SYNE3: variants seen among roughly 807,000 people sequenced by gnomAD.
SYNE3 encodes the protein nesprin-3.
A neutral mutation model predicts 111.2 loss-of-function variants in SYNE3; 100 were observed. The ratio of observed to expected loss-of-function variants is 0.90; its 90% CI spans 0.77 to 1.06. The LOEUF (loss-of-function observed/expected upper bound fraction) is 1.06, where lower values mean the gene tolerates loss of function less well. Among genes scored for constraint, SYNE3 ranks in the 50% least tolerant of loss-of-function variants. SYNE3 has a pLI of 0.00. For synonymous variants in SYNE3, 547 were observed against 533.9 expected, an observed-to-expected ratio of 1.02 and a Z score of -0.34; for missense variants, 1,160 against 1,240.3, an observed-to-expected ratio of 0.94 and a Z score of 0.97.
Position 95,440,135 on chromosome 14 carries a change from G to A in SYNE3, c.1912-60C>T, listed in dbSNP as rs905226890. The A allele has an allele frequency of 1.0e-5, 16 of 1,523,820 alleles. No individual in the cohort carries two copies. In the East Asian group the frequency reaches 1.4e-4, roughly 13 times the overall value. 94.4% of individuals were successfully genotyped at this position (1,523,820 alleles called of 1,614,324 possible). Reference sequence around the variant, plus strand: ...AGTGCTGGCCGAGGGGGAGACCCCCGCACCACCCCCACCCTGCAGGGCTCT... The same window carrying A: ...AGTGCTGGCCGAGGGGGAGACCCCCACACCACCCCCACCCTGCAGGGCTCT... On this transcript the variant is annotated intron_variant, in intron 11 of 17. Transcript: ENST00000682763.
chr14:95,495,850 C>T (rs1394643274), intron 1 of SYNE3, among the ~76,000 whole-genome samples: 2 of 152,224 alleles, frequency 1.3e-5, no homozygotes, highest in Non-Finnish European at 2.9e-5. Flanking sequence ...GCTGGACTGT[C>T]CCCCGTGAAC....
chr14:95,414,589 G>A lies in SYNE3; in HGVS notation c.*3237C>T, dbSNP rs1903516837. On this transcript the variant is annotated 3_prime_UTR_variant, in exon 18 of 18. Transcript: ENST00000682763. Reference sequence around the variant, plus strand: ...TGCAGAGAACGGGCTAAGAAAGAAAGGGGTGGGAGGGACAGGTAAGCAGGG... The same window carrying A: ...TGCAGAGAACGGGCTAAGAAAGAAAAGGGTGGGAGGGACAGGTAAGCAGGG... 1 of 152,098 alleles carries A rather than the reference G, an allele frequency of 6.6e-6. No homozygotes were observed. Among genetic ancestry groups the A allele is most frequent in the African/African-American group, 2.4e-5 (1 of 41,386 alleles). 9.4% of individuals were successfully genotyped at this position (152,098 alleles called of 1,614,324 possible).
intron 4 of SYNE3, among the ~76,000 whole-genome samples, chr14:95,463,682 G>C (rs1437020712): frequency 1.3e-5 from 2 of 152,224 alleles, no homozygotes; most frequent in Non-Finnish European, 2.9e-5. Flanking sequence ...GCCTCTGCAA[G>C]AGCCAAGTCG....
At chr14:95,452,815 T>A (rs1887177688) in intron 6 of SYNE3, among the ~76,000 whole-genome samples, 1 of 152,228 alleles carries the variant, frequency 6.6e-6, no homozygotes, top group Non-Finnish European at 1.5e-5. Context: ...CTCTGACGGT[T>A]GCAGAGTCTG....
chr14:95,486,582 C>T (rs1889561346), intron 1 of SYNE3, among the ~76,000 whole-genome samples: 1 of 152,154 alleles, frequency 6.6e-6, no homozygotes, highest in Non-Finnish European at 1.5e-5. Context: ...AAGAATGGTT[C>T]AATGACCACA....
At chr14:95,494,876 G>T (rs541402438) in intron 1 of SYNE3, among the ~76,000 whole-genome samples, 103 of 152,248 alleles carry the variant, frequency 6.8e-4, no homozygotes, top group African/African-American at 2.5e-3. Context: ...ACTTTGGGAG[G>T]CTGAGGTGTG....
At chr14:95,418,570 T>C (rs967509344) in intron 17 of SYNE3, among the ~76,000 whole-genome samples, 1 of 152,098 alleles carries the variant, frequency 6.6e-6, no homozygotes, top group African/African-American at 2.4e-5. Flanking sequence ...CTTTCTTCCC[T>C]TTCCTCTTTT....
At position 95,443,304 on chromosome 14, in the gene SYNE3, G is replaced by A; in HGVS notation, c.1777-15C>T. The A allele has an allele frequency of 1.2e-6, 2 of 1,614,014 alleles. No individual in the cohort carries two copies. The highest frequency in any genetic ancestry group is 1.7e-6 in the Non-Finnish European group (2 of 1,179,930). On this transcript the variant is annotated splice_polypyrimidine_tract_variant and intron_variant, in intron 10 of 17. Transcript: ENST00000682763. Reference sequence around the variant, plus strand: ...TCCTGCAGCCCCTGCAGTAGAGAAGGGAACAGGTAGGCTAATCTTCCCACC... The same window carrying A: ...TCCTGCAGCCCCTGCAGTAGAGAAGAGAACAGGTAGGCTAATCTTCCCACC...
intron 14 of SYNE3, 50 bp from the exon 15 acceptor site, chr14:95,437,031 G>T (rs762220103): frequency 1.2e-6 from 2 of 1,610,680 alleles, no homozygotes; most frequent in Admixed American, 1.7e-5. Context: ...AGCCCCCCTG[G>T]CCATGTGTCC....
intron 6 of SYNE3, among the ~76,000 whole-genome samples, chr14:95,453,204 G>C (rs1306083357): frequency 6.6e-6 from 1 of 152,114 alleles, no homozygotes. Context: ...CACGTGGGTC[G>C]GGTGATATTG....
chr14:95,474,279 CG>C (rs1219637528), intron 2 of SYNE3, among the ~76,000 whole-genome samples: 1 of 152,188 alleles, frequency 6.6e-6, no homozygotes, highest in African/African-American at 2.4e-5. Flanking sequence ...GTGAGAGCCA[CG>C]GAAGGTTTTA....
chr14:95,482,734 C>T (rs1035260085), intron 1 of SYNE3, among the ~76,000 whole-genome samples: 33 of 152,208 alleles, frequency 2.2e-4, no homozygotes, highest in Admixed American at 2.0e-3. Flanking sequence ...TAAAAGCCGA[C>T]ATTTACCCGG....
At chr14:95,435,500 A>G (rs924429219) in intron 15 of SYNE3, among the ~76,000 whole-genome samples, 1 of 152,222 alleles carries the variant, frequency 6.6e-6, no homozygotes, top group African/African-American at 2.4e-5. Context: ...AAGTAGTTAC[A>G]TATGTTTAAA....
Position 95,439,493 on chromosome 14 carries a change from C to T in SYNE3, c.2246+119G>A, listed in dbSNP as rs530145069. 1.2e-4 allele frequency: 166 copies of T among 1,347,228 alleles called. 1 individual carries two copies. The South Asian group carries it at 1.4e-3, about 11-fold the overall frequency. 83.5% of individuals were successfully genotyped at this position (1,347,228 alleles called of 1,614,324 possible). A position where few individuals can be genotyped will look rare whatever the true frequency, so the allele number is the denominator to read the frequency against. ...CTGGGCCAAAGTGTGAAGGTGCCCA[C>T]GGCCCCTGGCTCCACACTGGGCAGC... On this transcript the variant is annotated intron_variant, in intron 13 of 17. Coordinates refer to ENST00000682763, the MANE Select transcript of SYNE3 (RefSeq NM_152592.6).
At chr14:95,511,978 C>G (rs1285364425) in intron 1 of SYNE3, among the ~76,000 whole-genome samples, 2 of 152,148 alleles carry the variant, frequency 1.3e-5, no homozygotes, top group Non-Finnish European at 2.9e-5. Flanking sequence ...TCCAGGTGAC[C>G]TGAGGTTCCT....
chr14:95,501,471 A>G (rs888688387), intron 1 of SYNE3, among the ~76,000 whole-genome samples: 3 of 152,198 alleles, frequency 2.0e-5, no homozygotes, highest in African/African-American at 7.2e-5. Flanking sequence ...TCCATGGGGC[A>G]TCCAGGTGCC....
At position 95,450,040 on chromosome 14, in the gene SYNE3, C is replaced by T. The variant is rs756061434; in HGVS notation, c.1340G>A (p.Arg447Gln). 3 of 1,563,288 alleles carry T rather than the reference C, an allele frequency of 1.9e-6. No individual in the cohort carries two copies. Among genetic ancestry groups the T allele is most frequent in the South Asian group, 1.2e-5 (1 of 84,946 alleles). Residue 447 changes from arginine (R) to glutamine (Q), a missense_variant, in exon 8 of 18, where the codon CGG (arginine) becomes CAG (glutamine). By Grantham distance (43) the Arg-to-Gln change is conservative (BLOSUM62 1). Coordinates refer to ENST00000682763, the MANE Select transcript of SYNE3 (RefSeq NM_152592.6). ...AAVELWQHFQ[R>Q]PLQDLQLWKA... ...CCACAGCTGCAGATCCTGCAGAGGC[C>T]GCTGGAAATGCTGCCACAGCTCCAC...
At chr14:95,444,348 G>T in intron 10 of SYNE3, 137 bp downstream of exon 10, 2 of 1,162,048 alleles carry the variant, frequency 1.7e-6, no homozygotes, top group South Asian at 1.8e-5. Context: ...GAGGTGAAAG[G>T]TCAGATCTCA....
chr14:95,473,096 T>C (rs1888635409), intron 2 of SYNE3, among the ~76,000 whole-genome samples: 1 of 152,144 alleles, frequency 6.6e-6, no homozygotes, highest in South Asian at 2.1e-4. Context: ...AACGTTTTCT[T>C]TCTTATTGTG....
Sources: allele counts gnomAD v4.1 joint callset (sites outside exome capture counted in the v4.1 genomes callset), GRCh38; gene constraint gnomAD v4.1.1; transcripts MANE v1.5; gene names NCBI Gene and HGNC (gene_info 2026-07-23, HGNC 2026-07-21).